LRMDA: variants seen among roughly 807,000 people sequenced by gnomAD.
The protein encoded by LRMDA is leucine-rich melanocyte differentiation-associated protein.
A neutral mutation model predicts 29.8 loss-of-function variants in LRMDA; 18 were observed. The ratio of observed to expected loss-of-function variants is 0.60; its 90% CI spans 0.42 to 0.90. The LOEUF (loss-of-function observed/expected upper bound fraction) is 0.90, where lower values mean the gene tolerates loss of function less well. Among genes scored for constraint, LRMDA ranks in the 40% least tolerant of loss-of-function variants. LRMDA has a pLI of 0.00. For missense variants in LRMDA, 273 were observed against 273.9 expected, an observed-to-expected ratio of 1.00 and a Z score of 0.02; for synonymous variants, 125 against 109.4, an observed-to-expected ratio of 1.14 and a Z score of -0.89.
intron 2 of LRMDA, among the ~76,000 whole-genome samples, chr10:75,720,192 C>G (rs1842549332): frequency 6.6e-6 from 1 of 152,024 alleles, no homozygotes; most frequent in Admixed American, 6.5e-5. Context: ...GACGGCACAT[C>G]AAATCTTAGT....
chr10:76,552,676 A>C (rs926160282), intron 6 of LRMDA, among the ~76,000 whole-genome samples: 2 of 152,230 alleles, frequency 1.3e-5, no homozygotes, highest in Non-Finnish European at 2.9e-5. Flanking sequence ...AGGGATGTGT[A>C]CATGGTCACA....
In LRMDA at chr10:75,672,802, C is replaced by A. The variant is rs552363152; in HGVS notation, c.131+234308C>A. 1.5e-4 allele frequency among the ~76,000 whole-genome samples: 22 copies of A among 150,954 alleles called. No individual in the cohort carries two copies. In the South Asian group the frequency reaches 4.7e-3, roughly 32 times the overall value. On this transcript the variant is annotated intron_variant, in intron 2 of 6. Coordinates refer to ENST00000611255, the MANE Select transcript of LRMDA (RefSeq NM_001305581.2). ...GGCCAGGCTGGTCTCGAACTCATGA[C>A]CTCAAGTGATCTGCCCACCTCAATC...
chr10:76,392,623 A>G (rs894603953), intron 6 of LRMDA, among the ~76,000 whole-genome samples: 1 of 152,082 alleles, frequency 6.6e-6, no homozygotes, highest in Admixed American at 6.6e-5. Flanking sequence ...TTAGGATATC[A>G]GATTCTCAGA....
At chr10:76,229,457 A>C (rs1397939815) in intron 5 of LRMDA, among the ~76,000 whole-genome samples, 1 of 152,128 alleles carries the variant, frequency 6.6e-6, no homozygotes, top group African/African-American at 2.4e-5. Flanking sequence ...TGTGCTGTGT[A>C]CTCTAGTCTT....
intron 2 of LRMDA, among the ~76,000 whole-genome samples, chr10:75,802,975 T>A (rs398014180): frequency 0.018 from 1,865 of 100,874 alleles, 33 homozygotes; most frequent in African/African-American, 0.054. Flanking sequence ...TATATATATT[T>A]TTTTTTTTTT....
chr10:76,311,453 T>A (rs188454191), intron 5 of LRMDA, among the ~76,000 whole-genome samples: 54 of 152,318 alleles, frequency 3.5e-4, no homozygotes, highest in Middle Eastern at 3.4e-3. Context: ...TGAAAAAAGA[T>A]CTGTAAATTT....
At chr10:75,638,062 A>T (rs1218782427) in intron 2 of LRMDA, among the ~76,000 whole-genome samples, 1 of 152,046 alleles carries the variant, frequency 6.6e-6, no homozygotes, top group African/African-American at 2.4e-5. Context: ...CTTTATTTTA[A>T]CCTTTGAAAC....
At chr10:76,231,494 C>T (rs1487244584) in intron 5 of LRMDA, among the ~76,000 whole-genome samples, 1 of 152,140 alleles carries the variant, frequency 6.6e-6, no homozygotes. Flanking sequence ...TTGTGATTCT[C>T]CTGCTGGTTT....
intron 2 of LRMDA, among the ~76,000 whole-genome samples, chr10:75,688,477 G>C (rs190556171): frequency 4.5e-4 from 69 of 152,334 alleles, no homozygotes; most frequent in African/African-American, 1.7e-3. Flanking sequence ...CTGCAATCTT[G>C]TGATAAAACT....
intron 2 of LRMDA, among the ~76,000 whole-genome samples, chr10:75,818,869 C>T (rs1405119023): frequency 6.6e-6 from 1 of 152,172 alleles, no homozygotes; most frequent in Non-Finnish European, 1.5e-5. Context: ...ATTCAAGGCT[C>T]CTCATGAGTA....
In LRMDA at chr10:75,621,220, A is replaced by ACAC. The variant is rs1343358117; in HGVS notation, c.131+182727_131+182729dup. Among the ~76,000 whole-genome samples the ACAC allele has an allele frequency of 4.5e-3, 594 of 132,156 alleles. 6 individuals are homozygous for ACAC. The highest frequency in any genetic ancestry group is 0.013 in the African/African-American group (477 of 37,042). 86.7% of individuals were successfully genotyped at this position (132,156 alleles called of 152,430 possible). A position where few individuals can be genotyped will look rare whatever the true frequency, so the allele number is the denominator to read the frequency against. ...CCATTACACACACACACACACACAC[A>ACAC]CACACCCACACACCCACACACACAC... On this transcript the variant is annotated intron_variant, in intron 2 of 6. Transcript: ENST00000611255.
chr10:76,468,137 C>CT (rs140469254), intron 6 of LRMDA, among the ~76,000 whole-genome samples: 55,112 of 152,024 alleles, frequency 0.36, 11,115 homozygotes, highest in Middle Eastern at 0.55. Flanking sequence ...TAGACTGTAG[C>CT]TATGCCCAGT....
chr10:75,541,402 CTTTTTTTT>C (rs35660494), intron 2 of LRMDA, among the ~76,000 whole-genome samples: 2 of 136,828 alleles, frequency 1.5e-5, no homozygotes, highest in African/African-American at 5.5e-5. Flanking sequence ...TCCCCACAAA[CTTTTTTTT>C]TTTTTTTTTT....
At chr10:76,488,335 C>T (rs1269821385) in intron 6 of LRMDA, among the ~76,000 whole-genome samples, 4 of 151,808 alleles carry the variant, frequency 2.6e-5, no homozygotes. Flanking sequence ...TACTCCTTCC[C>T]TGTCTGCCTC....
chr10:76,524,276 G>A (rs1843151647), intron 6 of LRMDA, among the ~76,000 whole-genome samples: 1 of 152,198 alleles, frequency 6.6e-6, no homozygotes. Context: ...CGGCTGACGT[G>A]TCATTGGAAA....
chr10:76,347,415 T>G (rs1037356372), intron 6 of LRMDA, among the ~76,000 whole-genome samples: 7 of 152,176 alleles, frequency 4.6e-5, no homozygotes, highest in Non-Finnish European at 8.8e-5. Flanking sequence ...AGATTATAAA[T>G]GCCATTTAGA....
chr10:76,457,001 C>G (rs1277940739), intron 6 of LRMDA, among the ~76,000 whole-genome samples: 2 of 152,114 alleles, frequency 1.3e-5, no homozygotes, highest in Non-Finnish European at 2.9e-5. Flanking sequence ...AGCCGTAACT[C>G]CGACTTTGAA....
At chr10:76,279,012 C>G (rs1840169806) in intron 5 of LRMDA, among the ~76,000 whole-genome samples, 1 of 152,080 alleles carries the variant, frequency 6.6e-6, no homozygotes, top group Non-Finnish European at 1.5e-5. Context: ...ATTTTGTTTC[C>G]TTGTCTGAAC....
At chr10:75,936,199 G>A (rs901128877) in intron 2 of LRMDA, among the ~76,000 whole-genome samples, 3 of 152,078 alleles carry the variant, frequency 2.0e-5, no homozygotes, top group South Asian at 2.1e-4. Context: ...GTCTGTGGGC[G>A]TGAGAAGTGG....
Sources: gnomAD v4.1 joint callset for allele counts (sites outside exome capture counted in the v4.1 genomes callset) on GRCh38, gnomAD v4.1.1 for gene constraint, MANE v1.5 for transcripts, NCBI Gene and HGNC (gene_info 2026-07-23, HGNC 2026-07-21) for gene names.